The following CA2 variants were observed in gnomAD, a reference collection of about 807,000 sequenced individuals.
CA2 encodes the protein carbonic anhydrase 2.
A neutral mutation model predicts 27.8 loss-of-function variants in CA2; 23 were observed. The observed-to-expected ratio is 0.83, with a 90% CI of 0.59 to 1.17. CA2 has a LOEUF of 1.17. Ranked by LOEUF, CA2 falls within the 50% of genes most tolerant of loss-of-function variation. The pLI, the probability that CA2 is intolerant of heterozygous loss-of-function variation, is 0.00. For synonymous variants in CA2, 99 were observed against 114.9 expected, an observed-to-expected ratio of 0.86 and a Z score of 0.88; for missense variants, 300 against 314.7, an observed-to-expected ratio of 0.95 and a Z score of 0.35.
chr8:85,475,710 G>A (rs1811787150), intron 4 of CA2, 88 bp from the exon 5 acceptor site: 1 of 1,217,814 alleles, frequency 8.2e-7, no homozygotes, highest in African/African-American at 1.5e-5. Context: ...CTATTTGGAT[G>A]TTTTCTAATA....
In CA2 at chr8:85,464,110, A is replaced by C. The variant is rs2130539869; in HGVS notation, c.29A>C (p.His10Pro). ...TCCCATCACTGGGGGTACGGCAAACACAACGGTGAGTGCCGGCGACGGCCA... is the reference window on the plus strand; with the variant it reads ...TCCCATCACTGGGGGTACGGCAAACCCAACGGTGAGTGCCGGCGACGGCCA... MSHHWGYGK[H>P]NGPEHWHKDF... Residue 10 changes from histidine to proline, a missense_variant, in exon 1 of 7, where the codon CAC becomes CCC. Transcript: ENST00000285379. The C allele has an allele frequency of 6.5e-7, 1 of 1,545,008 alleles. No homozygotes were observed. Among genetic ancestry groups the C allele is most frequent in the Admixed American group, 1.9e-5 (1 of 51,346 alleles).
At chr8:85,475,885 C>G (rs1303596714) in intron 5 of CA2, 25 bp downstream of exon 5, 1 of 1,588,994 alleles carries the variant, frequency 6.3e-7, no homozygotes, top group Non-Finnish European at 8.6e-7. Flanking sequence ...TCTGCCACCT[C>G]CTTAGGGTAC....
intron 6 of CA2, among the ~76,000 whole-genome samples, chr8:85,478,358 T>C (rs1365767325): frequency 6.6e-6 from 1 of 152,236 alleles, no homozygotes; most frequent in Admixed American, 6.5e-5. Context: ...GGTATGTCAC[T>C]TGAAGATTGA....
chr8:85,472,427 AT>A (rs1209185832), intron 2 of CA2, among the ~76,000 whole-genome samples: 1 of 152,190 alleles, frequency 6.6e-6, no homozygotes, highest in East Asian at 1.9e-4. Flanking sequence ...ATTTCACACT[AT>A]TTTAATCCTC....
intron 2 of CA2, among the ~76,000 whole-genome samples, chr8:85,467,141 C>T (rs557993079): frequency 2.6e-5 from 4 of 152,048 alleles, no homozygotes; most frequent in African/African-American, 9.7e-5. Context: ...AACAAATCTC[C>T]AACAAATGAA....
chr8:85,469,724 C>T (rs552110613), intron 2 of CA2, among the ~76,000 whole-genome samples: 18 of 152,260 alleles, frequency 1.2e-4, no homozygotes, highest in African/African-American at 3.6e-4. Context: ...TATTGAAAGT[C>T]AATGCCAGAA....
Position 85,475,849 on chromosome 8 carries a change from A to T in CA2, c.496A>T (p.Ile166Phe), listed in dbSNP as rs1174391707. The T allele has an allele frequency of 6.2e-7, 1 of 1,614,002 alleles. No homozygotes were observed. The highest frequency in any genetic ancestry group is 2.2e-5 in the East Asian group (1 of 44,874). ...GAAAGTTGTTGATGTGCTGGATTCCATTAAAACAAAGGTAAATTTGAATTT... is the reference window on the plus strand; with the variant it reads ...GAAAGTTGTTGATGTGCTGGATTCCTTTAAAACAAAGGTAAATTTGAATTT... The part of the protein sequence containing the change: ...LQKVVDVLDS[I>F]KTKGKSADFT... Residue 166 changes from isoleucine to phenylalanine, a missense_variant, in exon 5 of 7, where the codon ATT (isoleucine) becomes TTT (phenylalanine). Around this residue, in one of 3 missense-constraint regions of CA2, gnomAD observed 173 missense variants for 161.0 expected, o/e 1.07. Coordinates refer to ENST00000285379, the MANE Select transcript of CA2 (RefSeq NM_000067.3).
At chr8:85,464,309 C>A in intron 1 of CA2, 194 bp downstream of exon 1, 1 of 486,342 alleles carries the variant, frequency 2.1e-6, no homozygotes. Context: ...GGGGATGTCC[C>A]CCTTGCCCCA....
At chr8:85,470,396 T>C (rs923548616) in intron 2 of CA2, among the ~76,000 whole-genome samples, 9 of 152,288 alleles carry the variant, frequency 5.9e-5, no homozygotes, top group African/African-American at 2.2e-4. Flanking sequence ...TTTTGCTTTA[T>C]TAGTAGGAAA....
chr8:85,464,846 G>T (rs1482876574), intron 1 of CA2: 9 of 176,092 alleles, frequency 5.1e-5, no homozygotes, highest in Non-Finnish European at 9.7e-5. Context: ...TTAAAGGTGG[G>T]GTGGGCCCGG....
intron 3 of CA2, 52 bp downstream of exon 3, chr8:85,473,863 A>AT (rs759841906): frequency 8.0e-6 from 8 of 999,346 alleles, no homozygotes; most frequent in Non-Finnish European, 1.3e-5. Flanking sequence ...ATAAGTTGAT[A>AT]TTTAGCATTA....
intron 1 of CA2, chr8:85,464,861 G>A (rs1034403122): frequency 5.1e-6 from 1 of 195,784 alleles, no homozygotes. Flanking sequence ...GCCCGGGCCT[G>A]GGCAGTGAGG....
chr8:85,477,272 G>A lies in CA2; in HGVS notation c.660G>A (p.Glu220=), dbSNP rs886042135. ...VLKEPISVSS[E]QVLKFRKLNF... is the part of the protein sequence containing the mutation. The stretch of plus-strand genomic sequence containing the variant: ...AGGAACCCATCAGCGTCAGCAGCGA[G>A]CAGGTTTGTTTTGTAATGACAGGTC... The change falls in exon 6 of 7, where the codon GAG becomes GAA. Residue 220 remains glutamate (E), a synonymous_variant. Transcript: ENST00000285379. 2 of 1,614,080 alleles carry A rather than the reference G, an allele frequency of 1.2e-6. No individual in the cohort carries two copies. Among genetic ancestry groups the A allele is most frequent in the African/African-American group, 2.7e-5 (2 of 75,036 alleles).
At chr8:85,477,572 A>G (rs1452918989) in intron 6 of CA2, among the ~76,000 whole-genome samples, 1 of 151,630 alleles carries the variant, frequency 6.6e-6, no homozygotes, top group Non-Finnish European at 1.5e-5. Context: ...GTTATGAGGA[A>G]ACTAAGGCTT....
At chr8:85,469,294 G>C (rs1001609643) in intron 2 of CA2, among the ~76,000 whole-genome samples, 1 of 152,056 alleles carries the variant, frequency 6.6e-6, no homozygotes, top group Non-Finnish European at 1.5e-5. Flanking sequence ...CAGCCTTCTA[G>C]AACTTCTCAT....
rs1811881317 is a variant in CA2, at chr8:85,480,857, A to G, written c.*68A>G. On this transcript the variant is annotated 3_prime_UTR_variant, in exon 7 of 7. Transcript: ENST00000285379. ...TTTCCCTTTAGCTAAGCACAGATCT[A>G]CCTTGGTGATTTGGACCCTGGTTGC... The G allele has an allele frequency of 2.5e-6, 4 of 1,568,960 alleles. No individual in the cohort carries two copies. The highest frequency in any genetic ancestry group is 3.5e-6 in the Non-Finnish European group (4 of 1,142,104).
At chr8:85,465,650 A>G (rs1272683604) in intron 2 of CA2, among the ~76,000 whole-genome samples, 181 bp downstream of exon 2, 1 of 152,182 alleles carries the variant, frequency 6.6e-6, no homozygotes, top group African/African-American at 2.4e-5. Flanking sequence ...AATTAGTTTG[A>G]AGTGTCCCGG....
At chr8:85,474,948 C>T (rs550680777) in intron 4 of CA2, among the ~76,000 whole-genome samples, 4 of 151,980 alleles carry the variant, frequency 2.6e-5, no homozygotes, top group Non-Finnish European at 5.9e-5. Flanking sequence ...GAGAAATCTG[C>T]CCAGGGAGCA....
intron 2 of CA2, among the ~76,000 whole-genome samples, chr8:85,468,911 T>C (rs1432691477): frequency 6.6e-6 from 1 of 151,392 alleles, no homozygotes; most frequent in African/African-American, 2.4e-5. Context: ...CTAGTTAAAC[T>C]CACCTTAATA....
Sources: allele counts gnomAD v4.1 joint callset (sites outside exome capture counted in the v4.1 genomes callset), GRCh38; gene constraint gnomAD v4.1.1; regional missense constraint gnomAD v4.1.1; transcripts MANE v1.5; gene names NCBI Gene and HGNC (gene_info 2026-07-23, HGNC 2026-07-21).